Variants in NAALADL2 observed in about 807,000 individuals in gnomAD.
The protein encoded by NAALADL2 is N-acetylated alpha-linked acidic dipeptidase like 2.
NAALADL2 carries 76 observed loss-of-function variants against 87.2 expected under a neutral mutation model. That is an observed-to-expected ratio of 0.87 (90% confidence interval 0.72 to 1.05). The LOEUF (loss-of-function observed/expected upper bound fraction) is 1.05. Ranked by LOEUF, NAALADL2 falls within the 50% of genes least tolerant of loss-of-function variation. The probability of loss-of-function intolerance (pLI) is 0.00; values close to 1 mark genes in which losing one functional copy is unlikely to be tolerated. For synonymous variants in NAALADL2, 354 were observed against 331.0 expected, an observed-to-expected ratio of 1.07 and a Z score of -0.75; for missense variants, 1,089 against 945.8, an observed-to-expected ratio of 1.15 and a Z score of -1.99.
intron 3 of NAALADL2, among the ~76,000 whole-genome samples, chr3:174,832,299 G>A (rs554774173): frequency 3.3e-5 from 5 of 152,084 alleles, no homozygotes; most frequent in African/African-American, 9.6e-5. Context: ...AGAGATTCTG[G>A]TATGTTTTGT....
chr3:174,587,825 A>G (rs1466129942), intron 2 of NAALADL2, among the ~76,000 whole-genome samples: 1 of 151,946 alleles, frequency 6.6e-6, no homozygotes, highest in East Asian at 1.9e-4. Context: ...CCTTCATTTC[A>G]ACTCTGGTGA....
chr3:175,451,103 C>G (rs1721501413), intron 6 of NAALADL2, among the ~76,000 whole-genome samples: 1 of 152,062 alleles, frequency 6.6e-6, no homozygotes. Flanking sequence ...TAAATAAAGC[C>G]TTGTCTGAAG....
At chr3:175,039,247 A>G (rs950881959) in intron 1 of NAALADL2, among the ~76,000 whole-genome samples, 3 of 151,912 alleles carry the variant, frequency 2.0e-5, no homozygotes, top group African/African-American at 7.3e-5. Context: ...GCTCACTGCA[A>G]CCTCTGCCTC....
chr3:174,820,840 A>ATTTT (rs1721341328), intron 3 of NAALADL2, among the ~76,000 whole-genome samples: 4 of 147,810 alleles, frequency 2.7e-5, no homozygotes, highest in Middle Eastern at 3.5e-3. Flanking sequence ...TGTTTTTTTA[A>ATTTT]AAAAAAACAT....
intron 2 of NAALADL2, among the ~76,000 whole-genome samples, chr3:174,708,433 T>C (rs2108905743): frequency 6.6e-6 from 1 of 152,342 alleles, no homozygotes; most frequent in African/African-American, 2.4e-5. Context: ...ATATATCATT[T>C]ATTCCACTTT....
intron 10 of NAALADL2, among the ~76,000 whole-genome samples, chr3:175,618,684 A>G (rs1032295677): frequency 2.0e-5 from 3 of 152,114 alleles, no homozygotes. Flanking sequence ...GAGAGAGAAA[A>G]GGTGTCCCTT....
chr3:175,589,854 G>A lies in NAALADL2; in HGVS notation c.1800+13667G>A, dbSNP rs142757750. ...AATGGTGGTACATTTAAAAACCTTCGTGGCAGAGCATGAGAGTACTGTTTA... is the reference window on the plus strand; with the variant it reads ...AATGGTGGTACATTTAAAAACCTTCATGGCAGAGCATGAGAGTACTGTTTA... On this transcript the variant is annotated intron_variant, in intron 10 of 13. Coordinates refer to ENST00000454872, the MANE Select transcript of NAALADL2 (RefSeq NM_207015.3). 2.7e-4 allele frequency among the ~76,000 whole-genome samples: 40 copies of A among 150,180 alleles called. 1 individual carries two copies. The highest frequency in any genetic ancestry group is 9.5e-4 in the African/African-American group (39 of 40,890).
intron 3 of NAALADL2, among the ~76,000 whole-genome samples, chr3:174,843,795 T>A (rs7632512): frequency 0.49 from 74,404 of 151,924 alleles, 19,203 homozygotes; most frequent in African/African-American, 0.66. Flanking sequence ...TTGAGTTTTT[T>A]TTCATTTACC....
At chr3:175,442,032 C>T (rs1034891523) in intron 5 of NAALADL2, among the ~76,000 whole-genome samples, 6 of 152,132 alleles carry the variant, frequency 3.9e-5, no homozygotes, top group Non-Finnish European at 7.4e-5. Flanking sequence ...ACTTCCGCCT[C>T]CCAGATTCAA....
At chr3:175,234,308 A>G in intron 3 of NAALADL2, 104 bp downstream of exon 3, 1 of 1,245,552 alleles carries the variant, frequency 8.0e-7, no homozygotes, top group South Asian at 1.5e-5. Flanking sequence ...TACAAAAGTA[A>G]CCATTAAATC....
rs976517691 is a variant in NAALADL2 at position 174,903,965 on chromosome 3, A to G, written c.43+44515A>G. ...GGGCCAGAAAGGAATATCTATATCT[A>G]TATCTATATCTATATCTATTTCTAT... On this transcript the variant is annotated intron_variant, in intron 1 of 13. Transcript: ENST00000454872. 2.7e-3 allele frequency among the ~76,000 whole-genome samples: 402 copies of G among 147,802 alleles called. 2 individuals carry two copies. The highest frequency in any genetic ancestry group is 0.01 in the African/African-American group (389 of 37,868).
intron 4 of NAALADL2, among the ~76,000 whole-genome samples, chr3:175,302,348 G>A (rs1052781176): frequency 3.3e-5 from 5 of 152,138 alleles, no homozygotes; most frequent in Non-Finnish European, 5.9e-5. Context: ...CTTTTAGATC[G>A]TTATTATTTG....
At chr3:174,535,571 A>G (rs1050833283) in intron 1 of NAALADL2, among the ~76,000 whole-genome samples, 1 of 152,106 alleles carries the variant, frequency 6.6e-6, no homozygotes, top group African/African-American at 2.4e-5. Flanking sequence ...TAGGTGATTT[A>G]TTCCTGCCCC....
At chr3:174,627,857 G>A (rs1356385060) in intron 2 of NAALADL2, among the ~76,000 whole-genome samples, 1 of 152,150 alleles carries the variant, frequency 6.6e-6, no homozygotes, top group African/African-American at 2.4e-5. Flanking sequence ...AAAGGCACAT[G>A]TTCTCATTTA....
At chr3:175,365,575 C>A (rs1391956986) in intron 5 of NAALADL2, among the ~76,000 whole-genome samples, 1 of 147,078 alleles carries the variant, frequency 6.8e-6, no homozygotes, top group East Asian at 2.0e-4. Context: ...GTGGATTTTT[C>A]TGATTCCACG....
intron 9 of NAALADL2, among the ~76,000 whole-genome samples, chr3:175,532,342 C>T (rs921409300): frequency 2.6e-5 from 4 of 152,116 alleles, no homozygotes; most frequent in African/African-American, 7.2e-5. Flanking sequence ...CTGAGTTGTC[C>T]TTGGGGGAAA....
At chr3:175,680,933 T>C (rs1236383002) in intron 11 of NAALADL2, among the ~76,000 whole-genome samples, 7 of 151,950 alleles carry the variant, frequency 4.6e-5, no homozygotes, top group African/African-American at 9.7e-5. Flanking sequence ...GCCAACATGG[T>C]GAAACCCCGT....
rs1582881601 is a variant in NAALADL2 at position 175,682,514 on chromosome 3, A to G, written c.1897-54792A>G. Among the ~76,000 whole-genome samples the G allele has an allele frequency of 2.0e-5, 3 of 152,136 alleles. No individual in the cohort carries two copies. In the East Asian group the frequency reaches 5.8e-4, roughly 29 times the overall value. On this transcript the variant is annotated intron_variant, in intron 11 of 13. Coordinates refer to ENST00000454872, the MANE Select transcript of NAALADL2 (RefSeq NM_207015.3). ...ATAAATATGAAAGAGCAGCTACTGA[A>G]GATTGTAAAACAGATTGAGGAACTC...
chr3:175,667,292 G>A (rs566835707), intron 11 of NAALADL2, among the ~76,000 whole-genome samples: 1 of 151,956 alleles, frequency 6.6e-6, no homozygotes, highest in Admixed American at 6.6e-5. Flanking sequence ...ATCTGAAGGG[G>A]TTAAATTGAC....
Sources: allele counts gnomAD v4.1 joint callset (sites outside exome capture counted in the v4.1 genomes callset), GRCh38; gene constraint gnomAD v4.1.1; transcripts MANE v1.5; gene names NCBI Gene and HGNC (gene_info 2026-07-23, HGNC 2026-07-21).